The following EFNA5 variants were observed in gnomAD, a reference collection of about 807,000 sequenced individuals.
The protein encoded by EFNA5 is ephrin-A5.
EFNA5 carries 5 observed loss-of-function variants against 22.9 expected under a neutral mutation model. That is an observed-to-expected ratio of 0.22 (90% CI 0.11 to 0.46). The LOEUF is 0.46. Ranked by LOEUF, EFNA5 falls within the 20% of genes least tolerant of loss-of-function variation. The probability of loss-of-function intolerance (pLI) is 0.99; values close to 1 mark genes in which losing one functional copy is unlikely to be tolerated. For synonymous variants in EFNA5, 113 were observed against 112.2 expected, an observed-to-expected ratio of 1.01 and a Z score of -0.04; for missense variants, 237 against 293.3, an observed-to-expected ratio of 0.81 and a Z score of 1.40.
intron 1 of EFNA5, among the ~76,000 whole-genome samples, chr5:107,451,914 C>A (rs1749569145): frequency 6.6e-6 from 1 of 152,128 alleles, no homozygotes; most frequent in African/African-American, 2.4e-5. Context: ...ACTATAAAGA[C>A]ACATGTACAC....
At chr5:107,429,613 G>A (rs552066482) in intron 1 of EFNA5, among the ~76,000 whole-genome samples, 3 of 152,158 alleles carry the variant, frequency 2.0e-5, no homozygotes, top group African/African-American at 7.2e-5. Flanking sequence ...GGTTGAGTGG[G>A]AGAGTCATAA....
At chr5:107,381,511 T>C (rs1747460025) in intron 4 of EFNA5, 135 bp from the exon 5 acceptor site, 5 of 1,003,786 alleles carry the variant, frequency 5.0e-6, no homozygotes, top group Non-Finnish European at 6.9e-6. Flanking sequence ...TTGACTTTCA[T>C]GTCTGCATAA....
intron 1 of EFNA5, among the ~76,000 whole-genome samples, chr5:107,649,840 T>C (rs1465509861): frequency 6.6e-6 from 1 of 152,210 alleles, no homozygotes; most frequent in Non-Finnish European, 1.5e-5. Context: ...ACAGTAACTC[T>C]ATCAGACAAA....
rs1488803530 is a variant in EFNA5, at chr5:107,638,577, C to G, written c.125+31912G>C. 2.0e-5 allele frequency among the ~76,000 whole-genome samples: 3 copies of G among 152,122 alleles called. No individual in the cohort carries two copies. In the East Asian group the frequency reaches 5.8e-4, roughly 29 times the overall value. On this transcript the variant is annotated intron_variant, in intron 1 of 4. Coordinates refer to ENST00000333274, the MANE Select transcript of EFNA5 (RefSeq NM_001962.3). ...CAAAATTTAAAATACAGTATGACAACTATTTACATAGCATCTATGTTGTAT... is the reference window on the plus strand; with the variant it reads ...CAAAATTTAAAATACAGTATGACAAGTATTTACATAGCATCTATGTTGTAT...
intron 1 of EFNA5, among the ~76,000 whole-genome samples, chr5:107,615,063 T>G (rs913144471): frequency 1.5e-4 from 23 of 152,138 alleles, no homozygotes; most frequent in Non-Finnish European, 3.1e-4. Context: ...ATCTACTAGA[T>G]TTTCATGCAA....
intron 1 of EFNA5, among the ~76,000 whole-genome samples, chr5:107,564,561 C>T (rs1748620747): frequency 6.6e-6 from 1 of 151,864 alleles, no homozygotes; most frequent in Admixed American, 6.6e-5. Context: ...TTGTCAAGTG[C>T]CAAGATATTG....
chr5:107,558,196 A>G (rs895870361), intron 1 of EFNA5, among the ~76,000 whole-genome samples: 5 of 152,192 alleles, frequency 3.3e-5, no homozygotes, highest in Non-Finnish European at 7.4e-5. Context: ...ATTCGAAGTT[A>G]AGCCTAAAAC....
Position 107,380,432 on chromosome 5 carries a change from T to C in EFNA5, c.*823A>G. 1 of 151,178 alleles carries C rather than the reference T, an allele frequency of 6.6e-6. No homozygotes were observed. The highest frequency in any genetic ancestry group is 2.8e-5 in the African/African-American group (1 of 35,846). 9.4% of individuals were successfully genotyped at this position (151,178 alleles called of 1,614,324 possible). A position where few individuals can be genotyped will look rare whatever the true frequency, so the allele number is the denominator to read the frequency against. On this transcript the variant is annotated 3_prime_UTR_variant, in exon 5 of 5. Transcript: ENST00000333274. ...AAAAAGTTGTAGCACCATGGTGATC[T>C]GTATTCAAAGAAAAAATATCTGGTG... is the stretch of plus-strand genomic sequence containing the variant.
chr5:107,613,129 A>C (rs1749855102), intron 1 of EFNA5, among the ~76,000 whole-genome samples: 2 of 152,102 alleles, frequency 1.3e-5, no homozygotes, highest in African/African-American at 4.8e-5. Context: ...ACCTTGGGAA[A>C]GGCTGTGATT....
At chr5:107,410,378 T>C (rs1311804077) in intron 2 of EFNA5, among the ~76,000 whole-genome samples, 2 of 152,188 alleles carry the variant, frequency 1.3e-5, no homozygotes, top group African/African-American at 4.8e-5. Flanking sequence ...GGATGTGTTT[T>C]TAACTATACA....
rs1031248356 is a variant in EFNA5 at position 107,501,844 on chromosome 5, G to A, written c.126-74335C>T. Among the ~76,000 whole-genome samples, 8 of 152,188 alleles carry A rather than the reference G, an allele frequency of 5.3e-5. No individual in the cohort carries two copies. The East Asian group carries it at 7.7e-4, about 15-fold the overall frequency. On this transcript the variant is annotated intron_variant, in intron 1 of 4. Coordinates refer to ENST00000333274, the MANE Select transcript of EFNA5 (RefSeq NM_001962.3). ...TCACGCCATTAAACAAACAAAAAACGGCCATAAGGTCAAAATAATAGAACT... is the reference window on the plus strand; with the variant it reads ...TCACGCCATTAAACAAACAAAAAACAGCCATAAGGTCAAAATAATAGAACT...
intron 1 of EFNA5, among the ~76,000 whole-genome samples, chr5:107,651,339 A>G (rs1750725509): frequency 6.6e-6 from 1 of 152,196 alleles, no homozygotes; most frequent in Admixed American, 6.5e-5. Flanking sequence ...TAAGTGCTCA[A>G]TAAATGGGAG....
intron 2 of EFNA5, among the ~76,000 whole-genome samples, chr5:107,420,522 T>TAAAA (rs368304882): frequency 3.7e-5 from 4 of 109,060 alleles, no homozygotes; most frequent in African/African-American, 1.1e-4. Flanking sequence ...TCTGTGCTTT[T>TAAAA]AAAAAAAAAA....
At chr5:107,383,489 T>A (rs570871038) in intron 4 of EFNA5, among the ~76,000 whole-genome samples, 1 of 152,328 alleles carries the variant, frequency 6.6e-6, no homozygotes, top group East Asian at 1.9e-4. Flanking sequence ...CAATATGTTG[T>A]CAATCAAAAC....
intron 1 of EFNA5, among the ~76,000 whole-genome samples, chr5:107,465,972 C>T (rs569370699): frequency 1.4e-4 from 21 of 152,168 alleles, no homozygotes; most frequent in East Asian, 9.7e-4. Context: ...AAATCAAGAC[C>T]GGGTATCTCA....
intron 1 of EFNA5, among the ~76,000 whole-genome samples, chr5:107,511,246 G>A (rs1160072941): frequency 4.6e-5 from 7 of 152,028 alleles, no homozygotes; most frequent in African/African-American, 7.3e-5. Context: ...GGCTGGTCTC[G>A]AACTTCTGAC....
intron 1 of EFNA5, among the ~76,000 whole-genome samples, chr5:107,482,643 G>T (rs114894721): frequency 6.6e-6 from 1 of 152,152 alleles, no homozygotes; most frequent in Non-Finnish European, 1.5e-5. Context: ...TATCATTTGC[G>T]CAATGTAGCC....
intron 1 of EFNA5, among the ~76,000 whole-genome samples, chr5:107,552,547 T>C (rs896087414): frequency 6.6e-6 from 1 of 152,206 alleles, no homozygotes; most frequent in Non-Finnish European, 1.5e-5. Context: ...ATTCTTACCA[T>C]TCCATTAGTG....
Position 107,380,929 on chromosome 5 carries a change from A to C in EFNA5, c.*326T>G. 1 of 442,178 alleles carries C rather than the reference A, an allele frequency of 2.3e-6. No individual in the cohort carries two copies. Among genetic ancestry groups the C allele is most frequent in the Non-Finnish European group, 4.0e-6 (1 of 248,864 alleles). 27.4% of individuals were successfully genotyped at this position (442,178 alleles called of 1,614,324 possible). ...AGTGCGCTAACGGAGGTGAGTTCTT[A>C]GAGGAGAATGCACAGGAGCTGACGA... On this transcript the variant is annotated 3_prime_UTR_variant, in exon 5 of 5. Transcript: ENST00000333274.
Sources: gnomAD v4.1 joint callset for allele counts (sites outside exome capture counted in the v4.1 genomes callset) on GRCh38, gnomAD v4.1.1 for gene constraint, MANE v1.5 for transcripts, NCBI Gene and HGNC (gene_info 2026-07-23, HGNC 2026-07-21) for gene names.